Variants in TMEM74B observed in about 807,000 individuals in gnomAD.
TMEM74B encodes the protein transmembrane protein C20orf46.
Under a neutral mutation model 6.5 loss-of-function variants are expected in TMEM74B, and 7 were observed. The ratio of observed to expected loss-of-function variants is 1.07; its 90% confidence interval spans 0.61 to 2.01. The LOEUF (loss-of-function observed/expected upper bound fraction) is 2.01. Among genes scored for constraint, TMEM74B ranks in the 30% most tolerant of loss-of-function variants. The pLI, the probability that TMEM74B is intolerant of heterozygous loss-of-function variation, is 0.00. For synonymous variants in TMEM74B, 151 were observed against 151.6 expected (o/e 1.00, Z 0.03); for missense variants, 342 against 337.0 (o/e 1.01, Z -0.12).
chr20:1,183,206 T>C (rs1036237896), intron 2 of TMEM74B, among the ~76,000 whole-genome samples: 5 of 152,206 alleles, frequency 3.3e-5, no homozygotes, highest in Admixed American at 6.5e-5. Context: ...CTCCGGTGTG[T>C]CTACGCACAC....
Position 1,181,176 on chromosome 20 carries a change from C to T in TMEM74B, c.443G>A (p.Arg148Gln), listed in dbSNP as rs370792693. The change falls in exon 3 of 3, where the codon CGA becomes CAA. Residue 148 changes from arginine to glutamine, a missense_variant. Physicochemically the swap from Arg to Gln is conservative, Grantham distance 43 (BLOSUM62 1). Coordinates refer to ENST00000429036, the MANE Select transcript of TMEM74B (RefSeq NM_001304748.2). The surrounding 1 kb of genome is among the most constrained non-coding windows in gnomAD (Gnocchi z 4.9). ...CGCTGTCACTGTGTCCGGATTGACTCGAGCCTCACGGGGGATGGCGTATGC... is the reference window on the plus strand; with the variant it reads ...CGCTGTCACTGTGTCCGGATTGACTTGAGCCTCACGGGGGATGGCGTATGC... ...VTAYAIPREA[R>Q]VNPDTVTARE... The T allele has an allele frequency of 7.7e-5, 124 of 1,614,040 alleles. 1 individual carries two copies. Among genetic ancestry groups the T allele is most frequent in the Middle Eastern group, 4.9e-4 (3 of 6,084 alleles).
intron 2 of TMEM74B, among the ~76,000 whole-genome samples, chr20:1,183,539 G>A (rs559629966): frequency 4.6e-5 from 7 of 151,956 alleles, no homozygotes; most frequent in East Asian, 3.9e-4. Context: ...CTATCACTAC[G>A]TCTCTCTTTC....
upstream of TMEM74B, among the ~76,000 whole-genome samples, chr20:1,186,667 C>T (rs2087025863): frequency 6.6e-6 from 1 of 152,238 alleles, no homozygotes; most frequent in South Asian, 2.1e-4. Context: ...CCTGACCTGC[C>T]CTCCTCCAAA....
At chr20:1,188,934 AGGTGCACATAAT>A (rs1195665426), upstream of TMEM74B, among the ~76,000 whole-genome samples, 1 of 132,130 alleles carries the variant, frequency 7.6e-6, no homozygotes, top group East Asian at 2.4e-4. Flanking sequence ...TGAAAGTGCG[AGGTGCACATAAT>A]GACTCCCTTT....
chr20:1,182,185 G>C (rs1438690924), intron 2 of TMEM74B, among the ~76,000 whole-genome samples: 2 of 150,612 alleles, frequency 1.3e-5, no homozygotes, highest in Middle Eastern at 3.2e-3. Flanking sequence ...GGATGACGGA[G>C]GGGTGGGGGA....
chr20:1,182,535 A>ATGGCTAAAACAGGTTGAGGATGGCG (rs1346880968), intron 2 of TMEM74B, among the ~76,000 whole-genome samples: 28 of 151,360 alleles, frequency 1.8e-4, no homozygotes, highest in South Asian at 8.3e-4. Flanking sequence ...TGGGGATGGC[A>ATGGCTAAAACAGGTTGAGGATGGCG]TGGCTAAAAG....
In TMEM74B at chr20:1,181,075, C is replaced by T. The variant is rs372400214; in HGVS notation, c.544G>A (p.Gly182Arg). The change falls in exon 3 of 3, where the codon GGG becomes AGG. Residue 182 changes from glycine (G) to arginine (R), a missense_variant. Transcript: ENST00000429036. This position sits in a 1 kb window ranked among gnomAD's most constrained non-coding sequence, Gnocchi z 4.9. Reference sequence around the variant, plus strand: ...AGCATGCCGCCCACCGTGAGCAGCCCGAGGCCTGCGATGATGCACCTGTCC... The same window carrying T: ...AGCATGCCGCCCACCGTGAGCAGCCTGAGGCCTGCGATGATGCACCTGTCC... ...HLDRCIIAGL[G>R]LLTVGGMLLS... The T allele has an allele frequency of 1.5e-5, 25 of 1,613,686 alleles. No homozygotes were observed. The highest frequency in any genetic ancestry group is 4.5e-5 in the East Asian group (2 of 44,882).
At position 1,181,726 on chromosome 20, in the gene TMEM74B, A is replaced by G. The variant is rs8119636; in HGVS notation, c.32-139T>C. ...GTGTCTGCCAGACAGAGGGGAAGAC[A>G]GGGAATAAGACGATGACAGAACAGT... On this transcript the variant is annotated intron_variant, in intron 2 of 2. Transcript: ENST00000429036. The surrounding 1 kb of genome is among the most constrained non-coding windows in gnomAD (Gnocchi z 4.9). The G allele has an allele frequency of 0.099, 94,601 of 958,094 alleles. 5,265 individuals are homozygous for G. Among genetic ancestry groups the G allele is most frequent in the African/African-American group, 0.17 (10,033 of 59,034 alleles). 59.3% of individuals were successfully genotyped at this position (958,094 alleles called of 1,614,324 possible). A position where few individuals can be genotyped will look rare whatever the true frequency, so the allele number is the denominator to read the frequency against.
At chr20:1,182,935 G>T (rs1016478939) in intron 2 of TMEM74B, among the ~76,000 whole-genome samples, 2 of 152,194 alleles carry the variant, frequency 1.3e-5, no homozygotes, top group African/African-American at 4.8e-5. Context: ...CCTGCAAAAT[G>T]AAAGAATCTG....
At position 1,183,940 on chromosome 20, in the gene TMEM74B, C is replaced by A; in HGVS notation, c.-139G>T. 2 of 884,102 alleles carry A rather than the reference C, an allele frequency of 2.3e-6. No homozygotes were observed. The highest frequency in any genetic ancestry group is 3.5e-6 in the Non-Finnish European group (2 of 574,200). The allele number at this position is 884,102 out of a possible 1,614,324, so 54.8% of individuals were successfully genotyped here. On this transcript the variant is annotated 5_prime_UTR_variant, in exon 2 of 3. Transcript: ENST00000429036. Reference sequence around the variant, plus strand: ...TCTGGGTCCCCAGCCTGCGCCCAGACTGCTTTTACTTTCCAGTGAATAGAC... The same window carrying A: ...TCTGGGTCCCCAGCCTGCGCCCAGAATGCTTTTACTTTCCAGTGAATAGAC...
rs576026887 is a variant in TMEM74B, at chr20:1,181,758, C to G, written c.32-171G>C. Among the ~76,000 whole-genome samples, 9 of 152,184 alleles carry G rather than the reference C, an allele frequency of 5.9e-5. No homozygotes were observed. Among genetic ancestry groups the G allele is most frequent in the Admixed American group, 5.9e-4 (9 of 15,284 alleles). ...AAGACGATGACAGAACAGTGTGATC[C>G]AAGCCCAGATCCCACTCTACCACCG... On this transcript the variant is annotated intron_variant, in intron 2 of 2. Transcript: ENST00000429036. The surrounding 1 kb of genome is among the most constrained non-coding windows in gnomAD (Gnocchi z 4.9).
upstream of TMEM74B, among the ~76,000 whole-genome samples, chr20:1,187,039 T>A (rs2087031375): frequency 6.6e-6 from 1 of 152,174 alleles, no homozygotes; most frequent in Non-Finnish European, 1.5e-5. Flanking sequence ...TCATGCGCTG[T>A]CCTACCTCAG....
At chr20:1,182,181 C>A (rs572078485) in intron 2 of TMEM74B, among the ~76,000 whole-genome samples, 16 of 39,742 alleles carry the variant, frequency 4.0e-4, no homozygotes, top group African/African-American at 1.6e-3. Flanking sequence ...GGAAGGATGA[C>A]GGAGGGGTGG....
rs1055328234 is a variant in TMEM74B at position 1,181,187 on chromosome 20, G to C, written c.432C>G (p.Pro144=). 6.2e-7 allele frequency: 1 copy of C among 1,614,078 alleles called. No individual in the cohort carries two copies. Among genetic ancestry groups the C allele is most frequent in the African/African-American group, 1.3e-5 (1 of 74,922 alleles). ...TGTCCGGATTGACTCGAGCCTCACG[G>C]GGGATGGCGTATGCTGTCACCACCA... The part of the protein sequence containing the change: ...ILLVVTAYAI[P]REARVNPDTV... Residue 144 remains proline (P), a synonymous_variant, in exon 3 of 3, where the codon CCC becomes CCG. Transcript: ENST00000429036. The surrounding 1 kb of genome is among the most constrained non-coding windows in gnomAD (Gnocchi z 4.9).
At chr20:1,185,154 T>A (rs942420773), upstream of TMEM74B, 1 of 151,798 alleles carries the variant, frequency 6.6e-6, no homozygotes, top group Non-Finnish European at 1.5e-5. Flanking sequence ...CGGGCCTCCC[T>A]CCCCGCCTCA....
chr20:1,180,685 GC>G lies in TMEM74B; in HGVS notation c.*162del. ...GGCTGCTTGCCCGTGTGGGGCATGGGCTGGGCCCCGAGCTCTCCCTCCAGCA... is the reference window on the plus strand; with the variant it reads ...GGCTGCTTGCCCGTGTGGGGCATGGGTGGGCCCCGAGCTCTCCCTCCAGCA... On this transcript the variant is annotated 3_prime_UTR_variant, in exon 3 of 3. Coordinates refer to ENST00000429036, the MANE Select transcript of TMEM74B (RefSeq NM_001304748.2). This position sits in a 1 kb window ranked among gnomAD's most constrained non-coding sequence, Gnocchi z 6.1. The G allele has an allele frequency of 1.1e-6, 1 of 944,616 alleles. No homozygotes were observed. Among genetic ancestry groups the G allele is most frequent in the Non-Finnish European group, 1.5e-6 (1 of 681,962 alleles). The allele number at this position is 944,616 out of a possible 1,614,324, so 58.5% of individuals were successfully genotyped here. A position where few individuals can be genotyped will look rare whatever the true frequency, so the allele number is the denominator to read the frequency against.
chr20:1,182,831 G>A (rs1600190603), intron 2 of TMEM74B, among the ~76,000 whole-genome samples: 1 of 152,214 alleles, frequency 6.6e-6, no homozygotes, highest in East Asian at 1.9e-4. Context: ...TTTTGTTCCT[G>A]GCCTGTTCAT....
At position 1,180,732 on chromosome 20, in the gene TMEM74B, G is replaced by T; in HGVS notation, c.*116C>A. On this transcript the variant is annotated 3_prime_UTR_variant, in exon 3 of 3. Transcript: ENST00000429036. This position sits in a 1 kb window ranked among gnomAD's most constrained non-coding sequence, Gnocchi z 6.1. ...CAGCACCCAGTACTTCTTCCACAAGGCCCTATGTGAGCTCAGTTTAAAACC... is the reference window on the plus strand; with the variant it reads ...CAGCACCCAGTACTTCTTCCACAAGTCCCTATGTGAGCTCAGTTTAAAACC... The T allele has an allele frequency of 7.0e-7, 1 of 1,419,068 alleles. No homozygotes were observed. The highest frequency in any genetic ancestry group is 9.4e-7 in the Non-Finnish European group (1 of 1,062,684). 87.9% of individuals were successfully genotyped at this position (1,419,068 alleles called of 1,614,324 possible).
At position 1,183,885 on chromosome 20, in the gene TMEM74B, C is replaced by T; in HGVS notation, c.-84G>A. ...AGCTGTTTATCAGCAACCGTGAGCA[C>T]CTTGAGAGCAGGCATAAGTTTGAAT... On this transcript the variant is annotated 5_prime_UTR_variant, in exon 2 of 3. It adds an upstream start codon to the 5' untranslated region. Coordinates refer to ENST00000429036, the MANE Select transcript of TMEM74B (RefSeq NM_001304748.2). 1 of 1,537,536 alleles carries T rather than the reference C, an allele frequency of 6.5e-7. No individual in the cohort carries two copies. The highest frequency in any genetic ancestry group is 1.2e-5 in the South Asian group (1 of 86,602).
Sources: gnomAD v4.1 joint callset for allele counts (sites outside exome capture counted in the v4.1 genomes callset) on GRCh38, gnomAD v4.1.1 for gene constraint, Gnocchi (gnomAD v3.1) non-coding constraint, MANE v1.5 for transcripts, NCBI Gene and HGNC (gene_info 2026-07-23, HGNC 2026-07-21) for gene names.